Variants in OTOGL observed in about 807,000 individuals in gnomAD.
OTOGL encodes otogelin like, also known as otogelin-like protein.
In OTOGL, 285 loss-of-function variants were observed where a neutral mutation model predicts 318.5. The ratio of observed to expected loss-of-function variants is 0.89; its 90% confidence interval spans 0.81 to 0.99. The LOEUF (loss-of-function observed/expected upper bound fraction) is 0.99. OTOGL is among the 50% of genes least tolerant of loss of function. OTOGL has a pLI of 0.00. For missense variants in OTOGL, 2,899 were observed against 2,845.6 expected, an observed-to-expected ratio of 1.02 and a Z score of -0.43; for synonymous variants, 987 against 936.5, an observed-to-expected ratio of 1.05 and a Z score of -0.99.
intron 1 of OTOGL, among the ~76,000 whole-genome samples, chr12:80,114,916 T>A (rs1870069834): frequency 6.6e-6 from 1 of 151,826 alleles, no homozygotes; most frequent in Admixed American, 6.6e-5. Context: ...CAGCTATTGA[T>A]ACTTGTGTAT....
At chr12:80,326,575 T>G (rs1887690121) in intron 35 of OTOGL, among the ~76,000 whole-genome samples, 1 of 152,228 alleles carries the variant, frequency 6.6e-6, no homozygotes, top group African/African-American at 2.4e-5. Flanking sequence ...TTGACCCAAT[T>G]AAATAATAAC....
At chr12:80,321,220 G>T (rs902017416) in intron 34 of OTOGL, among the ~76,000 whole-genome samples, 1 of 152,110 alleles carries the variant, frequency 6.6e-6, no homozygotes, top group African/African-American at 2.4e-5. Flanking sequence ...AGCCTTTGAG[G>T]TCTATAGCTA....
intron 1 of OTOGL, among the ~76,000 whole-genome samples, chr12:80,150,528 G>C (rs549361329): frequency 6.6e-6 from 1 of 152,180 alleles, no homozygotes; most frequent in Non-Finnish European, 1.5e-5. Context: ...TGGGATTTTT[G>C]CTGTTTCTAA....
chr12:80,257,751 G>T, intron 17 of OTOGL, 74 bp from the exon 18 acceptor site: 2 of 1,262,478 alleles, frequency 1.6e-6, no homozygotes, highest in Non-Finnish European at 2.1e-6. Flanking sequence ...AGAGAGTCCT[G>T]GTGGTGTACC....
intron 19 of OTOGL, among the ~76,000 whole-genome samples, chr12:80,262,515 T>A (rs539397403): frequency 1.3e-5 from 2 of 152,092 alleles, no homozygotes; most frequent in Non-Finnish European, 2.9e-5. Context: ...TCATGAGCCC[T>A]ACTCATAGCA....
chr12:80,248,601 T>C (rs2137479509), intron 11 of OTOGL, among the ~76,000 whole-genome samples: 1 of 124,676 alleles, frequency 8.0e-6, no homozygotes, highest in East Asian at 2.3e-4. Flanking sequence ...CTTAACATTT[T>C]TTCCTTCATT....
rs774797627 is a variant in OTOGL at position 80,296,843 on chromosome 12, A to C, written c.2945A>C (p.Asp982Ala). 94 of 1,511,840 alleles carry C rather than the reference A, an allele frequency of 6.2e-5. No individual in the cohort carries two copies. The highest frequency in any genetic ancestry group is 8.0e-5 in the Non-Finnish European group (90 of 1,127,280). 93.7% of individuals were successfully genotyped at this position (1,511,840 alleles called of 1,614,324 possible). A position where few individuals can be genotyped will look rare whatever the true frequency, so the allele number is the denominator to read the frequency against. ...VFLIKSADDS[D>A]ISVIAQNKKC... ...ACATTTCAGAGTGCAGATGATTCAGATATATCTGTCATTGCCCAGAACAAG... is the reference window on the plus strand; with the variant it reads ...ACATTTCAGAGTGCAGATGATTCAGCTATATCTGTCATTGCCCAGAACAAG... Residue 982 changes from aspartate (D) to alanine (A), a missense_variant, in exon 27 of 59, where the codon GAT becomes GCT. By Grantham distance (126) the Asp-to-Ala change is moderately radical. Transcript: ENST00000547103.
intron 1 of OTOGL, among the ~76,000 whole-genome samples, chr12:80,149,180 T>C (rs1243596696): frequency 6.6e-6 from 1 of 152,234 alleles, no homozygotes; most frequent in Admixed American, 6.5e-5. Flanking sequence ...CCCATCTTTG[T>C]GGTTTTATCT....
intron 23 of OTOGL, 67 bp from the exon 24 acceptor site, chr12:80,271,581 T>C: frequency 1.4e-6 from 2 of 1,439,482 alleles, no homozygotes; most frequent in Non-Finnish European, 1.9e-6. Context: ...TTTATGAATT[T>C]TGGTGTTCAT....
Position 80,366,630 on chromosome 12 carries a change from T to C in OTOGL, c.6324T>C (p.Tyr2108=). The change falls in exon 53 of 59, where the codon TAT becomes TAC. Residue 2108 remains tyrosine (Y), a synonymous_variant. Transcript: ENST00000547103. The stretch of plus-strand genomic sequence containing the variant: ...AGAGTGATTGTGGATGCATACAGTA[T>C]CTCTGTGGTAACTATGTCTTTTGTA... ...NFQSDCGCIQ[Y]LCEKDDVCVF... is the part of the protein sequence containing the mutation. 1 of 1,393,554 alleles carries C rather than the reference T, an allele frequency of 7.2e-7. No homozygotes were observed. The highest frequency in any genetic ancestry group is 1.9e-4 in the Middle Eastern group (1 of 5,358). 86.3% of individuals were successfully genotyped at this position (1,393,554 alleles called of 1,614,324 possible).
intron 52 of OTOGL, 186 bp from the exon 53 acceptor site, chr12:80,366,388 G>A: frequency 2.1e-6 from 1 of 468,198 alleles, no homozygotes; most frequent in Middle Eastern, 3.2e-4. Context: ...CCCTACAGAA[G>A]CTCAGAATCA....
At chr12:80,343,536 TA>T (rs1454186859) in intron 44 of OTOGL, 45 of 123,982 alleles carry the variant, frequency 3.6e-4, no homozygotes, top group South Asian at 8.3e-4. Flanking sequence ...TTTTTTTTTT[TA>T]ACTTTCTTTT....
At chr12:80,149,704 G>A (rs1290233421) in intron 1 of OTOGL, among the ~76,000 whole-genome samples, 2 of 152,196 alleles carry the variant, frequency 1.3e-5, no homozygotes, top group South Asian at 2.1e-4. Flanking sequence ...AGACTGCTGT[G>A]CTAGCAATCA....
intron 1 of OTOGL, among the ~76,000 whole-genome samples, chr12:80,144,510 A>G (rs1055144043): frequency 6.7e-6 from 1 of 149,298 alleles, no homozygotes; most frequent in African/African-American, 2.5e-5. Context: ...GTGCCGCAAT[A>G]AACATACGTG....
intron 4 of OTOGL, among the ~76,000 whole-genome samples, chr12:80,213,739 C>T (rs1183458292): frequency 6.6e-6 from 1 of 152,112 alleles, no homozygotes; most frequent in Non-Finnish European, 1.5e-5. Context: ...TGTACTACTT[C>T]CTAAGGCTAG....
intron 1 of OTOGL, among the ~76,000 whole-genome samples, chr12:80,127,341 C>A (rs10778712): frequency 0.64 from 96,595 of 151,042 alleles, 31,636 homozygotes; most frequent in African/African-American, 0.78. Context: ...GTTGCAAATT[C>A]TTTTCTTTAA....
At chr12:80,352,572 C>T (rs904880945) in intron 45 of OTOGL, 136 bp downstream of exon 45, 10 of 712,924 alleles carry the variant, frequency 1.4e-5, no homozygotes, top group Non-Finnish European at 2.1e-5. Flanking sequence ...ATGACAAACA[C>T]AAGTTACATC....
chr12:80,339,296 C>CTCTT (rs764771874), intron 43 of OTOGL, 32 bp downstream of exon 43: 1 of 427,566 alleles, frequency 2.3e-6, no homozygotes. Flanking sequence ...TTGATTTCGT[C>CTCTT]TGTTTTTTTT....
chr12:80,290,191 C>T (rs1884945278), intron 26 of OTOGL, among the ~76,000 whole-genome samples: 1 of 152,184 alleles, frequency 6.6e-6, no homozygotes, highest in Non-Finnish European at 1.5e-5. Context: ...ACACCCCGCC[C>T]TGCTTCTGCT....
Sources: allele counts gnomAD v4.1 joint callset (sites outside exome capture counted in the v4.1 genomes callset), GRCh38; gene constraint gnomAD v4.1.1; transcripts MANE v1.5; gene names NCBI Gene and HGNC (gene_info 2026-07-23, HGNC 2026-07-21).